SPG7: variants seen among roughly 807,000 people sequenced by gnomAD.
The protein encoded by SPG7 is mitochondrial inner membrane m-AAA protease component paraplegin.
Under a neutral mutation model 81.9 loss-of-function variants are expected in SPG7, and 103 were observed. The ratio of observed to expected loss-of-function variants is 1.26; its 90% CI spans 1.07 to 1.48. The LOEUF is 1.48. Ranked by LOEUF, SPG7 falls within the 40% of genes most tolerant of loss-of-function variation. SPG7 has a pLI of 0.00. For missense variants in SPG7, 1,241 were observed against 1,087.3 expected (o/e 1.14, Z -1.99); for synonymous variants, 534 against 444.2 (o/e 1.20, Z -2.54).
At position 89,557,282 on chromosome 16, in the gene SPG7, C is replaced by G. The variant is rs1030387372; in HGVS notation, c.*189C>G. 1.2e-5 allele frequency: 7 copies of G among 599,164 alleles called. No homozygotes were observed. Among genetic ancestry groups the G allele is most frequent in the African/African-American group, 3.7e-5 (2 of 53,874 alleles). The allele number at this position is 599,164 out of a possible 1,614,324, so 37.1% of individuals were successfully genotyped here. On this transcript the variant is annotated 3_prime_UTR_variant, in exon 17 of 17. Transcript: ENST00000645818. Reference sequence around the variant, plus strand: ...TAAGTTTCTCTGCAGAAACTACTGACGGAGTCCTGTGTTTGTGAGTCGTTT... The same window carrying G: ...TAAGTTTCTCTGCAGAAACTACTGAGGGAGTCCTGTGTTTGTGAGTCGTTT...
rs1374354854 is a variant in SPG7 at position 89,512,991 on chromosome 16, T to G, written c.330T>G (p.Asn110Lys). The change falls in exon 3 of 17, where the codon AAT becomes AAG. Residue 110 changes from asparagine to lysine, a missense_variant. Physicochemically the swap from Asn to Lys is moderately conservative, Grantham distance 94. Transcript: ENST00000645818. ...ACACCTCAAGGTTGAAGCAGAAGAA[T>G]AAGGAGAAGGATAAGTCGAAGGGGA... ...YFNTSRLKQK[N>K]KEKDKSKGKA... 1.2e-6 allele frequency: 2 copies of G among 1,613,138 alleles called. No individual in the cohort carries two copies. The highest frequency in any genetic ancestry group is 1.7e-6 in the Non-Finnish European group (2 of 1,179,324).
In SPG7 at chr16:89,536,477, CGGGTGAGGT is replaced by C. The variant is rs200111472; in HGVS notation, c.1324+3842_1324+3850del. Among the ~76,000 whole-genome samples, 463 of 40,058 alleles carry C rather than the reference CGGGTGAGGT, an allele frequency of 0.012. 15 individuals are homozygous for C. Among genetic ancestry groups the C allele is most frequent in the East Asian group, 0.044 (22 of 504 alleles). The allele number at this position is 40,058 out of a possible 152,430, so 26.3% of individuals were successfully genotyped here. A position where few individuals can be genotyped will look rare whatever the true frequency, so the allele number is the denominator to read the frequency against. ...GGTGAGGCGGGTGAGGCGGGTGAGG[CGGGTGAGGT>C]CAGGTGAGGCAGGTGAGGTGAGGCG... On this transcript the variant is annotated intron_variant, in intron 9 of 16. Coordinates refer to ENST00000645818, the MANE Select transcript of SPG7 (RefSeq NM_003119.4).
Position 89,537,678 on chromosome 16 carries a change from C to G in SPG7, c.1324+5042C>G, listed in dbSNP as rs1308197801. On this transcript the variant is annotated intron_variant, in intron 9 of 16. Transcript: ENST00000645818. ...TCAAGGCTTGAGTCACCATGCCAGG[C>G]TCTGTTTTTTCAGTCTGTGAAAAAT... 4 of 976,296 alleles carry G rather than the reference C, an allele frequency of 4.1e-6. No individual in the cohort carries two copies. The African/African-American group carries it at 7.0e-5, about 17-fold the overall frequency. 60.5% of individuals were successfully genotyped at this position (976,296 alleles called of 1,614,324 possible).
chr16:89,548,625 G>A, intron 12 of SPG7: 1 of 323,332 alleles, frequency 3.1e-6, no homozygotes, highest in Non-Finnish European at 6.1e-6. Context: ...CAGTAGGAAC[G>A]GGAGATGAGT....
chr16:89,518,534 A>AT lies in SPG7; in HGVS notation c.377-5470dup, dbSNP rs2058135553. 4 of 151,960 alleles carry AT rather than the reference A, an allele frequency of 2.6e-5. No homozygotes were observed. The South Asian group carries it at 8.3e-4, about 32-fold the overall frequency. 9.4% of individuals were successfully genotyped at this position (151,960 alleles called of 1,614,324 possible). On this transcript the variant is annotated intron_variant, in intron 3 of 16. Coordinates refer to ENST00000645818, the MANE Select transcript of SPG7 (RefSeq NM_003119.4). ...GGTAAGGCGGGTGAACCCAGAAGGA[A>AT]TTACACAGAGTGGAAAAAAGACTCC...
intron 9 of SPG7, chr16:89,532,978 G>A (rs1222757675): frequency 9.0e-6 from 3 of 334,054 alleles, no homozygotes; most frequent in Non-Finnish European, 1.7e-5. Context: ...TAGTACTCTG[G>A]AGAATCGCTT....
At chr16:89,546,346 CGG>C (rs2152409735) in intron 10 of SPG7, 1 of 364,242 alleles carries the variant, frequency 2.7e-6, no homozygotes, top group Admixed American at 3.8e-5. Context: ...TGTGAGCCAC[CGG>C]GCCCGGCCAT....
rs568208966 is a variant in SPG7, at chr16:89,545,895, C to G, written c.1450-763C>G. 18 of 445,652 alleles carry G rather than the reference C, an allele frequency of 4.0e-5. No individual in the cohort carries two copies. In the East Asian group the frequency reaches 1.3e-3, roughly 32 times the overall value. 27.6% of individuals were successfully genotyped at this position (445,652 alleles called of 1,614,324 possible). A position where few individuals can be genotyped will look rare whatever the true frequency, so the allele number is the denominator to read the frequency against. Reference sequence around the variant, plus strand: ...AGAGAAAGGGTGTTGCGCTGTCACCCAGGCTGGAGTGCAGTGCTGCGATCA... The same window carrying G: ...AGAGAAAGGGTGTTGCGCTGTCACCGAGGCTGGAGTGCAGTGCTGCGATCA... On this transcript the variant is annotated intron_variant, in intron 10 of 16. Coordinates refer to ENST00000645818, the MANE Select transcript of SPG7 (RefSeq NM_003119.4).
At chr16:89,532,826 G>C (rs941079099) in intron 9 of SPG7, 190 bp downstream of exon 9, 3 of 686,286 alleles carry the variant, frequency 4.4e-6, no homozygotes, top group Non-Finnish European at 2.5e-6. Context: ...GCTCACGCCT[G>C]TAATCCCAGC....
chr16:89,555,696 T>C, intron 16 of SPG7: 1 of 396,638 alleles, frequency 2.5e-6, no homozygotes, highest in Non-Finnish European at 4.4e-6. Context: ...CGTTCCTCAG[T>C]TGCGATTGTC....
chr16:89,554,052 A>C (rs2058664080), intron 15 of SPG7, 92 bp downstream of exon 15: 7 of 1,367,508 alleles, frequency 5.1e-6, no homozygotes, highest in Admixed American at 3.7e-5. Flanking sequence ...CGGCCGCCCC[A>C]GCGGAGCTCA....
chr16:89,548,621 G>C (rs2058596091), intron 12 of SPG7: 1 of 323,862 alleles, frequency 3.1e-6, no homozygotes, highest in Non-Finnish European at 6.1e-6. Context: ...CCGTCAGTAG[G>C]AACGGGAGAT....
In SPG7 at chr16:89,546,681, G is replaced by A; in HGVS notation, c.1473G>A (p.Gln491=). The A allele has an allele frequency of 3.1e-6, 5 of 1,613,390 alleles. No homozygotes were observed. The highest frequency in any genetic ancestry group is 3.4e-6 in the Non-Finnish European group (4 of 1,179,506). Residue 491 remains glutamine, a synonymous_variant, in exon 11 of 17, where the codon CAG becomes CAA. Coordinates refer to ENST00000645818, the MANE Select transcript of SPG7 (RefSeq NM_003119.4). The part of the protein sequence containing the change: ...TLQERREIFE[Q]HLKSLKLTQS... ...AGGAGAGGCGGGAGATTTTTGAGCA[G>A]CACCTGAAGAGCCTGAAGCTGACCC...
At chr16:89,549,474 T>C (rs1200376189) in intron 12 of SPG7, 3 of 353,276 alleles carry the variant, frequency 8.5e-6, no homozygotes, top group Non-Finnish European at 1.7e-5. Context: ...GCCTGGGCAA[T>C]ACAGCAAGAC....
At chr16:89,528,813 A>G (rs1224654491) in intron 5 of SPG7, 1 of 153,906 alleles carries the variant, frequency 6.5e-6, no homozygotes, top group East Asian at 1.9e-4. Flanking sequence ...TTATTCTTAC[A>G]TTTTTCTTTT....
chr16:89,518,247 T>C (rs1229909659), intron 3 of SPG7: 1 of 152,234 alleles, frequency 6.6e-6, no homozygotes, highest in Non-Finnish European at 1.5e-5. Context: ...AGAACGATAC[T>C]GAATGTGGCT....
intron 9 of SPG7, chr16:89,541,249 A>G (rs2058493137): frequency 1.0e-6 from 1 of 985,144 alleles, no homozygotes; most frequent in South Asian, 4.7e-5. Context: ...TGTTCTACGC[A>G]GCAATAGAAG....
chr16:89,546,790 G>GGGT, intron 11 of SPG7, 30 bp downstream of exon 11: 1 of 1,483,656 alleles, frequency 6.7e-7, no homozygotes, highest in Non-Finnish European at 9.4e-7. Context: ...CCTGGGCAGC[G>GGGT]TCACGTCCTG....
At chr16:89,515,816 T>C (rs2058088868) in intron 3 of SPG7, among the ~76,000 whole-genome samples, 2 of 151,600 alleles carry the variant, frequency 1.3e-5, no homozygotes, top group Admixed American at 1.3e-4. Flanking sequence ...CAGGCGATTC[T>C]CCTGCCTCAG....
Sources: gnomAD v4.1 joint callset for allele counts (sites outside exome capture counted in the v4.1 genomes callset) on GRCh38, gnomAD v4.1.1 for gene constraint, MANE v1.5 for transcripts, NCBI Gene and HGNC (gene_info 2026-07-23, HGNC 2026-07-21) for gene names.